The following TEAD4 variants were observed in gnomAD, a reference collection of about 807,000 sequenced individuals.
The protein encoded by TEAD4 is TEA domain transcription factor 4.
Under a neutral mutation model 52.4 loss-of-function variants are expected in TEAD4, and 36 were observed. That is an observed-to-expected ratio of 0.69 (90% CI 0.53 to 0.91). TEAD4 has a LOEUF of 0.91. TEAD4 is among the 40% of genes least tolerant of loss of function. The pLI is 0.00. For missense variants in TEAD4, 508 were observed against 583.9 expected, an observed-to-expected ratio of 0.87 and a Z score of 1.34; for synonymous variants, 220 against 231.0, an observed-to-expected ratio of 0.95 and a Z score of 0.43.
At chr12:3,011,451 C>G (rs753431419) in intron 4 of TEAD4, among the ~76,000 whole-genome samples, 40 of 152,068 alleles carry the variant, frequency 2.6e-4, no homozygotes, top group African/African-American at 9.2e-4. Context: ...AGGCTGGTCT[C>G]GAATTCCTGA....
chr12:2,985,259 C>T (rs1207387839), intron 2 of TEAD4, among the ~76,000 whole-genome samples: 1 of 151,706 alleles, frequency 6.6e-6, no homozygotes, highest in South Asian at 2.1e-4. Flanking sequence ...GTGGCAGGCA[C>T]CTGTAGTCCC....
chr12:2,999,918 T>C (rs2098250377), intron 3 of TEAD4, among the ~76,000 whole-genome samples: 1 of 152,210 alleles, frequency 6.6e-6, no homozygotes, highest in African/African-American at 2.4e-5. Context: ...TTCTGCCTCC[T>C]GTGCTTCTCA....
intron 4 of TEAD4, 46 bp from the exon 5 acceptor site, chr12:3,012,124 C>T (rs1344404413): frequency 6.2e-7 from 1 of 1,604,454 alleles, no homozygotes; most frequent in Admixed American, 1.7e-5. Flanking sequence ...CTGGGGAACA[C>T]AGGTTGTTGG....
intron 2 of TEAD4, among the ~76,000 whole-genome samples, chr12:2,964,904 A>G (rs1266090011): frequency 6.6e-6 from 1 of 152,106 alleles, no homozygotes; most frequent in Admixed American, 6.6e-5. Context: ...GCTTACCCTG[A>G]GAGAATTGTG....
chr12:3,016,467 C>T (rs143995016), intron 5 of TEAD4, among the ~76,000 whole-genome samples: 1 of 152,008 alleles, frequency 6.6e-6, no homozygotes. Flanking sequence ...CTGCTGGGTA[C>T]AGTAACGCAT....
chr12:3,004,131 G>C (rs1195481252), intron 3 of TEAD4, among the ~76,000 whole-genome samples: 2 of 152,214 alleles, frequency 1.3e-5, no homozygotes, highest in Non-Finnish European at 2.9e-5. Context: ...TGGTGGGCAG[G>C]ACCTCAGGTC....
chr12:3,008,860 C>G (rs1289983193), intron 3 of TEAD4, among the ~76,000 whole-genome samples: 1 of 152,130 alleles, frequency 6.6e-6, no homozygotes, highest in Non-Finnish European at 1.5e-5. Context: ...AACCAAGAAC[C>G]GTATCCCAGA....
At chr12:3,037,128 T>C (rs2098279905) in intron 10 of TEAD4, among the ~76,000 whole-genome samples, 1 of 152,284 alleles carries the variant, frequency 6.6e-6, no homozygotes, top group Non-Finnish European at 1.5e-5. Flanking sequence ...GAGCAGCCTG[T>C]CTGAGGCAAG....
chr12:3,038,928 G>C (rs1028249365), intron 11 of TEAD4, among the ~76,000 whole-genome samples: 1 of 152,160 alleles, frequency 6.6e-6, no homozygotes, highest in Non-Finnish European at 1.5e-5. Context: ...CTGAGAGTCC[G>C]GGGCCCTGTG....
intron 2 of TEAD4, among the ~76,000 whole-genome samples, chr12:2,972,662 G>A (rs950333522): frequency 2.0e-5 from 3 of 151,786 alleles, no homozygotes; most frequent in Non-Finnish European, 2.9e-5. Context: ...ACCATACTCC[G>A]CTAATTTTTT....
chr12:2,998,157 T>G (rs1347390331), intron 3 of TEAD4, among the ~76,000 whole-genome samples: 1 of 152,180 alleles, frequency 6.6e-6, no homozygotes, highest in African/African-American at 2.4e-5. Context: ...TTATCTGTAT[T>G]ATAACCTAGG....
chr12:3,006,747 C>T (rs1402489881), intron 3 of TEAD4, among the ~76,000 whole-genome samples: 4 of 151,820 alleles, frequency 2.6e-5, no homozygotes, highest in East Asian at 1.9e-4. Context: ...AAAGATGGGC[C>T]GGGTGTGGTG....
intron 2 of TEAD4, among the ~76,000 whole-genome samples, chr12:2,975,462 C>A (rs1007940633): frequency 6.6e-6 from 1 of 151,136 alleles, no homozygotes; most frequent in Non-Finnish European, 1.5e-5. Context: ...GATCTCGGCT[C>A]ATGGCAACCT....
intron 2 of TEAD4, among the ~76,000 whole-genome samples, chr12:2,988,135 A>G (rs2098240148): frequency 6.6e-6 from 1 of 152,178 alleles, no homozygotes; most frequent in African/African-American, 2.4e-5. Context: ...ATTTATTTGG[A>G]CAGATTCAAC....
At chr12:3,011,150 G>A (rs1392981404) in intron 4 of TEAD4, 82 bp downstream of exon 4, 1 of 1,481,812 alleles carries the variant, frequency 6.7e-7, no homozygotes, top group Non-Finnish European at 9.4e-7. Flanking sequence ...GGCCCTCCCA[G>A]GACCAGACGC....
At chr12:2,963,542 G>A (rs899575882) in intron 2 of TEAD4, among the ~76,000 whole-genome samples, 3 of 152,358 alleles carry the variant, frequency 2.0e-5, no homozygotes, top group South Asian at 2.1e-4. Context: ...CAGCCAGGAG[G>A]GCCCAGGTGG....
chr12:2,991,131 C>A (rs1245666054), intron 2 of TEAD4, among the ~76,000 whole-genome samples: 2 of 152,090 alleles, frequency 1.3e-5, no homozygotes, highest in Non-Finnish European at 2.9e-5. Flanking sequence ...CCCATGAGTT[C>A]AGTGCTGTAC....
At chr12:3,014,913 G>A (rs1483055182) in intron 5 of TEAD4, among the ~76,000 whole-genome samples, 1 of 152,210 alleles carries the variant, frequency 6.6e-6, no homozygotes, top group Non-Finnish European at 1.5e-5. Context: ...AGGTCTTCGG[G>A]CTCGCAAGGG....
rs1035612959 is a variant in TEAD4, at chr12:2,994,637, G to A, written c.-29-101G>A. 5 of 1,413,618 alleles carry A rather than the reference G, an allele frequency of 3.5e-6. No individual in the cohort carries two copies. The African/African-American group carries it at 7.2e-5, about 20-fold the overall frequency. The allele number at this position is 1,413,618 out of a possible 1,614,324, so 87.6% of individuals were successfully genotyped here. ...TCTTTCACTTCACGCTTTGCTTCCT[G>A]AGCAACTGATTCGGGCTCTGGCACT... On this transcript the variant is annotated intron_variant, in intron 2 of 12. Coordinates refer to ENST00000359864, the MANE Select transcript of TEAD4 (RefSeq NM_003213.4). This position sits in a 1 kb window ranked among gnomAD's most constrained non-coding sequence, Gnocchi z 4.7.
Sources: gnomAD v4.1 joint callset for allele counts (sites outside exome capture counted in the v4.1 genomes callset) on GRCh38, gnomAD v4.1.1 for gene constraint, Gnocchi (gnomAD v3.1) non-coding constraint, MANE v1.5 for transcripts, NCBI Gene and HGNC (gene_info 2026-07-23, HGNC 2026-07-21) for gene names.